Variants in LRRK2 observed in about 807,000 individuals in gnomAD.
LRRK2 encodes the protein leucine rich repeat kinase 2.
LRRK2 carries 203 observed loss-of-function variants against 302.6 expected under a neutral mutation model. The observed-to-expected ratio is 0.67, with a 90% CI of 0.60 to 0.75. LRRK2 has a LOEUF of 0.75. Ranked by LOEUF, LRRK2 falls within the 30% of genes least tolerant of loss-of-function variation. LRRK2 has a pLI of 0.00. For missense variants in LRRK2, 2,830 were observed against 2,951.0 expected, an observed-to-expected ratio of 0.96 and a Z score of 0.95; for synonymous variants, 1,066 against 1,031.9, an observed-to-expected ratio of 1.03 and a Z score of -0.63.
At chr12:40,335,927 A>C (rs1216756743) in intron 40 of LRRK2, among the ~76,000 whole-genome samples, 3 of 152,040 alleles carry the variant, frequency 2.0e-5, no homozygotes, top group African/African-American at 7.2e-5. Flanking sequence ...AAATCTTTTC[A>C]GCTCTGCCAC....
intron 44 of LRRK2, among the ~76,000 whole-genome samples, chr12:40,353,267 GGGGCGGCTGCCGGGCA>G (rs1946420203): frequency 1.3e-4 from 2 of 15,790 alleles, no homozygotes; most frequent in Non-Finnish European, 3.1e-4. Flanking sequence ...CTTCTCAGAC[GGGGCGGCTGCCGGGCA>G]GAGGGACTCC....
At chr12:40,262,336 A>G (rs1424283486) in intron 13 of LRRK2, among the ~76,000 whole-genome samples, 2 of 152,094 alleles carry the variant, frequency 1.3e-5, no homozygotes, top group African/African-American at 4.8e-5. Flanking sequence ...TATTATTATT[A>G]TTATTATTTT....
chr12:40,267,642 G>T (rs1469593335), intron 14 of LRRK2, among the ~76,000 whole-genome samples: 2 of 152,134 alleles, frequency 1.3e-5, no homozygotes, highest in Admixed American at 1.3e-4. Flanking sequence ...CCCCATGCCA[G>T]TACTGACGCA....
intron 13 of LRRK2, among the ~76,000 whole-genome samples, chr12:40,260,248 G>T (rs969454023): frequency 6.6e-6 from 1 of 151,984 alleles, no homozygotes; most frequent in African/African-American, 2.4e-5. Context: ...TACTATTATA[G>T]GAGCTTAGAG....
chr12:40,258,710 G>T (rs895202560), intron 12 of LRRK2, among the ~76,000 whole-genome samples: 1 of 152,190 alleles, frequency 6.6e-6, no homozygotes, highest in Non-Finnish European at 1.5e-5. Flanking sequence ...GGTAAGAGTA[G>T]AGTGGACTCA....
chr12:40,299,436 G>T (rs1048766752), intron 25 of LRRK2, among the ~76,000 whole-genome samples, 179 bp downstream of exon 25: 13 of 152,030 alleles, frequency 8.6e-5, no homozygotes, highest in African/African-American at 3.1e-4. Context: ...ACTATGAAAA[G>T]ACATGAAAGA....
rs768445472 is a variant in LRRK2, at chr12:40,232,367, G to A, written c.331G>A (p.Val111Ile). 6.2e-7 allele frequency: 1 copy of A among 1,613,176 alleles called. No individual in the cohort carries two copies. Among genetic ancestry groups the A allele is most frequent in the South Asian group, 1.1e-5 (1 of 91,068 alleles). The change falls in exon 3 of 51, where the codon GTC (valine) becomes ATC (isoleucine). Residue 111 changes from valine to isoleucine, a missense_variant. Val to Ile is a conservative substitution (Grantham distance 29, BLOSUM62 3). Transcript: ENST00000298910. ...CCAGGATGTTGGAAATGATTGGGAA[G>A]TCCTTGGTGTTCACCAGTAAGTATG... ...GPQDVGNDWE[V>I]LGVHQLILKM...
At chr12:40,363,218 C>T (rs1015962888) in intron 47 of LRRK2, among the ~76,000 whole-genome samples, 184 bp from the exon 48 acceptor site, 1 of 151,816 alleles carries the variant, frequency 6.6e-6, no homozygotes, top group Non-Finnish European at 1.5e-5. Context: ...AGTAAAGTAC[C>T]AAAGCATGTT....
Position 40,284,110 on chromosome 12 carries a change from C to T in LRRK2, c.2477C>T (p.Thr826Ile). ...SWLGPLFPDK[T>I]SNLRKQTNIA... ...CTTGGTCCTTTATTTCCAGATAAGA[C>T]TTCTAATTTAAGGAAACAAACAAGT... Residue 826 changes from threonine to isoleucine, a missense_variant, in exon 19 of 51, where the codon ACT becomes ATT. Transcript: ENST00000298910. The T allele has an allele frequency of 6.2e-7, 1 of 1,610,674 alleles. No homozygotes were observed. Among genetic ancestry groups the T allele is most frequent in the Non-Finnish European group, 8.5e-7 (1 of 1,177,888 alleles).
chr12:40,226,137 T>C (rs968753734), intron 2 of LRRK2, among the ~76,000 whole-genome samples: 1 of 152,206 alleles, frequency 6.6e-6, no homozygotes, highest in Admixed American at 6.5e-5. Context: ...GTAGTATACC[T>C]TGTAGTATCT....
At chr12:40,323,586 G>A (rs1945462038) in intron 38 of LRRK2, among the ~76,000 whole-genome samples, 1 of 152,032 alleles carries the variant, frequency 6.6e-6, no homozygotes, top group Non-Finnish European at 1.5e-5. Context: ...TTAATTGCCA[G>A]GGATATGGGA....
intron 39 of LRRK2, among the ~76,000 whole-genome samples, chr12:40,328,903 C>G (rs898968401): frequency 1.3e-5 from 2 of 152,208 alleles, no homozygotes; most frequent in Non-Finnish European, 2.9e-5. Flanking sequence ...GACCTTGAAG[C>G]CTAGCAAGCT....
intron 2 of LRRK2, among the ~76,000 whole-genome samples, chr12:40,228,433 C>CT (rs35333613): frequency 0.52 from 9,960 of 19,060 alleles, 3,263 homozygotes; most frequent in Non-Finnish European, 0.61. Context: ...AAAAATAAGA[C>CT]TTTTTTTTTT....
At chr12:40,355,967 T>G (rs1409112414) in intron 45 of LRRK2, 148 bp from the exon 46 acceptor site, 1 of 617,726 alleles carries the variant, frequency 1.6e-6, no homozygotes, top group Non-Finnish European at 2.8e-6. Context: ...TTCCAAGTCT[T>G]CTAAAGTAAA....
chr12:40,287,391 G>A lies in LRRK2; in HGVS notation c.2541G>A (p.Gln847=). The A allele has an allele frequency of 6.2e-7, 1 of 1,612,638 alleles. No individual in the cohort carries two copies. The highest frequency in any genetic ancestry group is 1.1e-5 in the South Asian group (1 of 91,040). The change falls in exon 20 of 51, where the codon CAG becomes CAA. Residue 847 remains glutamine, a synonymous_variant. Coordinates refer to ENST00000298910, the MANE Select transcript of LRRK2 (RefSeq NM_198578.4). ...TAGCAAGAATGGTGATCAGATATCA[G>A]ATGAAAAGTGCTGTGGAAGAAGGAA... The part of the protein sequence containing the change: ...STLARMVIRY[Q]MKSAVEEGTA...
chr12:40,257,466 G>A, intron 12 of LRRK2, 89 bp downstream of exon 12: 1 of 1,483,318 alleles, frequency 6.7e-7, no homozygotes, highest in Non-Finnish European at 9.3e-7. Context: ...ACAATGAAAA[G>A]AAAAAGAAAA....
intron 40 of LRRK2, among the ~76,000 whole-genome samples, chr12:40,338,239 A>G (rs1171153945): frequency 6.6e-6 from 1 of 152,118 alleles, no homozygotes; most frequent in Non-Finnish European, 1.5e-5. Context: ...TCTGAGCACA[A>G]TCCTTCTGGA....
At chr12:40,293,260 A>T (rs922935847) in intron 20 of LRRK2, among the ~76,000 whole-genome samples, 18 of 151,668 alleles carry the variant, frequency 1.2e-4, no homozygotes, top group African/African-American at 4.4e-4. Flanking sequence ...GAATAGATTT[A>T]TTTTTTTTCT....
rs1946898635 is a variant in LRRK2, at chr12:40,366,999, T to C, written c.7391-7T>C. The C allele has an allele frequency of 6.2e-7, 1 of 1,607,436 alleles. No homozygotes were observed. Among genetic ancestry groups the C allele is most frequent in the African/African-American group, 1.3e-5 (1 of 74,714 alleles). On this transcript the variant is annotated splice_region_variant and splice_polypyrimidine_tract_variant and intron_variant, in intron 49 of 50. Coordinates refer to ENST00000298910, the MANE Select transcript of LRRK2 (RefSeq NM_198578.4). ...ACAGAAAACTTACATATTTTGTTTT[T>C]GTAAAGGAAGCCTTAAAAATGTCAT...
Sources: allele counts gnomAD v4.1 joint callset (sites outside exome capture counted in the v4.1 genomes callset), GRCh38; gene constraint gnomAD v4.1.1; transcripts MANE v1.5; gene names NCBI Gene and HGNC (gene_info 2026-07-23, HGNC 2026-07-21).